VPS33A: variants seen among roughly 807,000 people sequenced by gnomAD.
VPS33A encodes the protein VPS33A core subunit of CORVET and HOPS complexes.
A neutral mutation model predicts 71.8 loss-of-function variants in VPS33A; 32 were observed. That is an observed-to-expected ratio of 0.45 (90% CI 0.34 to 0.60). The LOEUF (loss-of-function observed/expected upper bound fraction) is 0.60, where lower values mean the gene tolerates loss of function less well. Among genes scored for constraint, VPS33A ranks in the 20% least tolerant of loss-of-function variants. The probability of loss-of-function intolerance (pLI) is 0.02; values close to 1 mark genes in which losing one functional copy is unlikely to be tolerated. For missense variants in VPS33A, 625 were observed against 748.5 expected (o/e 0.84, Z 1.92); for synonymous variants, 311 against 292.7 (o/e 1.06, Z -0.64).
At chr12:122,236,504 G>A (rs568452255) in intron 10 of VPS33A, among the ~76,000 whole-genome samples, 2 of 152,242 alleles carry the variant, frequency 1.3e-5, no homozygotes, top group East Asian at 1.9e-4. Flanking sequence ...GCTGGGCCTG[G>A]TGGCATGTAC....
At chr12:122,261,724 T>C (rs1003350757) in intron 3 of VPS33A, among the ~76,000 whole-genome samples, 3 of 151,224 alleles carry the variant, frequency 2.0e-5, no homozygotes, top group Admixed American at 1.3e-4. Context: ...CAAAAATGGC[T>C]GGGCGCAGTG....
At chr12:122,250,074 G>GC in intron 5 of VPS33A, 29 bp from the exon 6 acceptor site, 1 of 1,564,804 alleles carries the variant, frequency 6.4e-7, no homozygotes, top group Non-Finnish European at 8.6e-7. Context: ...ATGAGGTGGG[G>GC]CCCCCCTGGG....
Position 122,239,749 on chromosome 12 carries a change from C to CAAAAAAA in VPS33A, c.1164+122_1164+128dup, listed in dbSNP as rs5801475. 134 of 197,818 alleles carry CAAAAAAA rather than the reference C, an allele frequency of 6.8e-4. 6 individuals carry two copies. The highest frequency in any genetic ancestry group is 1.4e-3 in the Middle Eastern group (1 of 700). 12.3% of individuals were successfully genotyped at this position (197,818 alleles called of 1,614,324 possible). ...GGTGACACACAGTGAGACTCCGTCT[C>CAAAAAAA]AAAAAAAAAAAAAAAAAAAAAAAAA... is the stretch of plus-strand genomic sequence containing the variant. On this transcript the variant is annotated intron_variant, in intron 9 of 12. Coordinates refer to ENST00000267199, the MANE Select transcript of VPS33A (RefSeq NM_022916.6).
chr12:122,265,843 C>A (rs758182451), intron 1 of VPS33A: 4 of 384,156 alleles, frequency 1.0e-5, no homozygotes, highest in Non-Finnish European at 1.6e-5. Flanking sequence ...TTTTAGGAGG[C>A]CAGGTTAAAA....
At chr12:122,263,330 C>T (rs535684119) in intron 3 of VPS33A, among the ~76,000 whole-genome samples, 1 of 152,252 alleles carries the variant, frequency 6.6e-6, no homozygotes, top group Non-Finnish European at 1.5e-5. Context: ...TTATTATTAA[C>T]TATAGTCACC....
intron 4 of VPS33A, among the ~76,000 whole-genome samples, chr12:122,256,820 C>T (rs1044696262): frequency 1.3e-5 from 2 of 152,034 alleles, no homozygotes; most frequent in Admixed American, 6.6e-5. Context: ...CCTCCAACAG[C>T]GTAGAGAGGA....
At chr12:122,265,791 T>C (rs967007988) in intron 1 of VPS33A, 3 of 440,508 alleles carry the variant, frequency 6.8e-6, no homozygotes, top group Non-Finnish European at 1.4e-5. Context: ...ATCTAGTTCC[T>C]GACTCCCTTG....
At chr12:122,264,064 T>C (rs1418130404) in intron 2 of VPS33A, 70 bp downstream of exon 2, 8 of 1,319,100 alleles carry the variant, frequency 6.1e-6, no homozygotes, top group Middle Eastern at 1.9e-4. Flanking sequence ...GGAAGAAATA[T>C]AAAATCCTAT....
chr12:122,235,613 T>C (rs1346592594), intron 11 of VPS33A, among the ~76,000 whole-genome samples, 173 bp downstream of exon 11: 1 of 152,214 alleles, frequency 6.6e-6, no homozygotes, highest in Non-Finnish European at 1.5e-5. Context: ...GAGCATTCTC[T>C]GTGTCCTTCT....
chr12:122,264,178 G>C lies in VPS33A; in HGVS notation c.124C>G (p.Leu42Val), dbSNP rs1410014918. The change falls in exon 2 of 13, where the codon CTA becomes GTA. Residue 42 changes from leucine to valine, a missense_variant. By Grantham distance (32) the Leu-to-Val change is conservative. Transcript: ENST00000267199. The part of the protein sequence containing the change: ...GSKAIVWDEY[L>V]TGPFGLIAQY... ...GCAATCAGGCCAAAGGGTCCAGTTA[G>C]GTATTCATCCCAAACTATTGCCTGT... 6.4e-7 allele frequency: 1 copy of C among 1,552,998 alleles called. No homozygotes were observed. The highest frequency in any genetic ancestry group is 8.8e-7 in the Non-Finnish European group (1 of 1,138,674).
chr12:122,264,805 C>T (rs1412171714), intron 1 of VPS33A: 1 of 152,058 alleles, frequency 6.6e-6, no homozygotes, highest in African/African-American at 2.4e-5. Flanking sequence ...AATCACTGTC[C>T]TGAACAGAAA....
intron 4 of VPS33A, among the ~76,000 whole-genome samples, chr12:122,254,849 G>A (rs759423461): frequency 2.0e-4 from 31 of 151,946 alleles, no homozygotes; most frequent in Non-Finnish European, 3.7e-4. Flanking sequence ...TCAGGAGTTC[G>A]AGACCAGCTT....
chr12:122,237,578 C>T, intron 10 of VPS33A, among the ~76,000 whole-genome samples: 1 of 144,622 alleles, frequency 6.9e-6, no homozygotes, highest in Non-Finnish European at 1.5e-5. Flanking sequence ...GCTCTGTCGC[C>T]CAGGCCGGAC....
At chr12:122,258,481 A>C (rs547581393) in intron 4 of VPS33A, among the ~76,000 whole-genome samples, 1 of 152,260 alleles carries the variant, frequency 6.6e-6, no homozygotes. Flanking sequence ...TTGCATTTAG[A>C]ATCTATTAAG....
intron 11 of VPS33A, 131 bp downstream of exon 11, chr12:122,235,655 T>A: frequency 1.6e-6 from 2 of 1,248,794 alleles, no homozygotes; most frequent in Non-Finnish European, 2.2e-6. Context: ...CATGCATACA[T>A]TACTTTTTCA....
chr12:122,262,931 T>TG lies in VPS33A; in HGVS notation c.296+640dup, dbSNP rs1454115524. Among the ~76,000 whole-genome samples the TG allele has an allele frequency of 4.6e-5, 7 of 151,476 alleles. No individual in the cohort carries two copies. In the East Asian group the frequency reaches 7.7e-4, roughly 17 times the overall value. On this transcript the variant is annotated intron_variant, in intron 3 of 12. Coordinates refer to ENST00000267199, the MANE Select transcript of VPS33A (RefSeq NM_022916.6). ...TGTGAAATAAGCACATCACGGAGAA[T>TG]GGGGGGACACATCCTCTCAAGCACT... is the stretch of plus-strand genomic sequence containing the variant.
At chr12:122,239,026 C>G (rs575972462) in intron 9 of VPS33A, among the ~76,000 whole-genome samples, 3 of 151,300 alleles carry the variant, frequency 2.0e-5, no homozygotes, top group Admixed American at 6.6e-5. Context: ...CACACACCCC[C>G]CAGTGATCAG....
At chr12:122,257,489 C>T (rs909030593) in intron 4 of VPS33A, among the ~76,000 whole-genome samples, 4 of 143,720 alleles carry the variant, frequency 2.8e-5, no homozygotes, top group South Asian at 4.4e-4. Context: ...CTGGACAACA[C>T]GGTGAAACCC....
intron 7 of VPS33A, 77 bp downstream of exon 7, chr12:122,244,492 G>T (rs1592917029): frequency 1.6e-6 from 2 of 1,282,064 alleles, no homozygotes. Context: ...ACATATTTTT[G>T]GAGCTCTTAT....
Sources: allele counts gnomAD v4.1 joint callset (sites outside exome capture counted in the v4.1 genomes callset), GRCh38; gene constraint gnomAD v4.1.1; transcripts MANE v1.5; gene names NCBI Gene and HGNC (gene_info 2026-07-23, HGNC 2026-07-21).